PACRG: variants seen among roughly 807,000 people sequenced by gnomAD.
PACRG encodes parkin coregulated gene protein.
Under a neutral mutation model 29.7 loss-of-function variants are expected in PACRG, and 29 were observed. That is an observed-to-expected ratio of 0.98 (90% CI 0.73 to 1.33). The LOEUF is 1.33. PACRG is among the 40% of genes most tolerant of loss of function. The pLI, the probability that PACRG is intolerant of heterozygous loss-of-function variation, is 0.00. For missense variants in PACRG, 279 were observed against 316.2 expected, an observed-to-expected ratio of 0.88 and a Z score of 0.89; for synonymous variants, 116 against 118.7, an observed-to-expected ratio of 0.98 and a Z score of 0.15.
rs370711141 is a variant in PACRG, at chr6:162,822,155, T to G, written c.291+7874T>G. Among the ~76,000 whole-genome samples the G allele has an allele frequency of 8.4e-4, 128 of 152,296 alleles. No individual in the cohort carries two copies. In the East Asian group the frequency reaches 0.012, roughly 14 times the overall value. On this transcript the variant is annotated intron_variant, in intron 2 of 4. Coordinates refer to ENST00000366888, the MANE Select transcript of PACRG (RefSeq NM_001080379.2). ...CATACTGCCACAGGAATTCTAATAG[T>G]TTTTTCCAGTTTAATGACAACGAAA...
At chr6:163,170,151 G>A (rs547507805) in intron 4 of PACRG, among the ~76,000 whole-genome samples, 8 of 152,256 alleles carry the variant, frequency 5.3e-5, no homozygotes, top group Non-Finnish European at 1.0e-4. Flanking sequence ...AGTTCAGCCC[G>A]TAACCAGAAA....
intron 4 of PACRG, among the ~76,000 whole-genome samples, chr6:163,147,443 G>T (rs1777845720): frequency 6.6e-6 from 1 of 152,178 alleles, no homozygotes; most frequent in Non-Finnish European, 1.5e-5. Context: ...AATGAACTGA[G>T]ACTCAGAGGC....
At chr6:162,903,512 AG>A (rs1221661602) in intron 2 of PACRG, among the ~76,000 whole-genome samples, 3 of 151,858 alleles carry the variant, frequency 2.0e-5, no homozygotes, top group Admixed American at 6.6e-5. Flanking sequence ...ACATGGCGGC[AG>A]GCAAGAGAGA....
intron 2 of PACRG, among the ~76,000 whole-genome samples, chr6:163,052,686 T>C (rs1810143118): frequency 6.6e-6 from 1 of 152,242 alleles, no homozygotes; most frequent in African/African-American, 2.4e-5. Context: ...CTTTCATTTA[T>C]AAATTACCCA....
chr6:163,048,323 G>A (rs1469753132), intron 2 of PACRG, among the ~76,000 whole-genome samples: 3 of 152,088 alleles, frequency 2.0e-5, no homozygotes, highest in East Asian at 1.9e-4. Context: ...TCTGCTAAGC[G>A]TTTTTATTTT....
At chr6:162,978,239 T>C (rs568047373) in intron 2 of PACRG, among the ~76,000 whole-genome samples, 1 of 152,316 alleles carries the variant, frequency 6.6e-6, no homozygotes, top group South Asian at 2.1e-4. Flanking sequence ...GAAATTATAG[T>C]ATATTTCTAT....
At chr6:163,234,099 C>G (rs1782144155) in intron 4 of PACRG, among the ~76,000 whole-genome samples, 1 of 152,050 alleles carries the variant, frequency 6.6e-6, no homozygotes, top group African/African-American at 2.4e-5. Context: ...TAGAAAGTGA[C>G]ACAGAGCAGG....
Position 162,863,466 on chromosome 6 carries a change from A to AT in PACRG, c.291+49191dup, listed in dbSNP as rs1397617434. Among the ~76,000 whole-genome samples the AT allele has an allele frequency of 2.6e-5, 4 of 152,302 alleles. No individual in the cohort carries two copies. The East Asian group carries it at 7.7e-4, about 29-fold the overall frequency. ...TGAGAACATGTGGGCAAATGCATCT[A>AT]TTTTTTCTTCCCTAAAAGGTAAACT... On this transcript the variant is annotated intron_variant, in intron 2 of 4. Transcript: ENST00000366888.
intron 1 of PACRG, among the ~76,000 whole-genome samples, chr6:162,747,648 G>A (rs951197985): frequency 6.6e-6 from 1 of 150,742 alleles, no homozygotes; most frequent in Non-Finnish European, 1.5e-5. Context: ...GCTAATGCAG[G>A]GAAAGCCAGA....
intron 1 of PACRG, among the ~76,000 whole-genome samples, chr6:162,753,411 A>G (rs778465336): frequency 3.3e-5 from 5 of 152,154 alleles, no homozygotes; most frequent in Non-Finnish European, 7.4e-5. Flanking sequence ...ACATTCATCC[A>G]TGTTGTTGCA....
chr6:162,983,863 G>A (rs576484877), intron 2 of PACRG, among the ~76,000 whole-genome samples: 2 of 152,024 alleles, frequency 1.3e-5, no homozygotes, highest in Non-Finnish European at 2.9e-5. Flanking sequence ...CTGAAGTGAG[G>A]CCAAGGAAGG....
rs1810494691 is a variant in PACRG at position 163,055,475 on chromosome 6, C to T, written c.292-6675C>T. Among the ~76,000 whole-genome samples the T allele has an allele frequency of 6.6e-6, 1 of 152,036 alleles. No individual in the cohort carries two copies. Among genetic ancestry groups the T allele is most frequent in the South Asian group, 2.1e-4 (1 of 4,808 alleles). ...GGATTACCAAAGCCTAGGCCAAATT[C>T]ATCCACTGAAAACAAAATTATTATA... On this transcript the variant is annotated intron_variant, in intron 2 of 4. Transcript: ENST00000366888. This position sits in a 1 kb window ranked among gnomAD's most constrained non-coding sequence, Gnocchi z 4.0.
rs1286795478 is a variant in PACRG, at chr6:163,230,894, G to C, written c.614-83933G>C. Among the ~76,000 whole-genome samples the C allele has an allele frequency of 2.0e-5, 3 of 152,218 alleles. No homozygotes were observed. The East Asian group carries it at 5.8e-4, about 29-fold the overall frequency. The stretch of plus-strand genomic sequence containing the variant: ...AGGACAGTATTTGGAGAGAGAGGAG[G>C]AGGTAGGTAAGGTGTCCCTGCCAGT... On this transcript the variant is annotated intron_variant, in intron 4 of 4. Coordinates refer to ENST00000366888, the MANE Select transcript of PACRG (RefSeq NM_001080379.2).
intron 4 of PACRG, among the ~76,000 whole-genome samples, chr6:163,296,394 C>T (rs9458779): frequency 0.24 from 37,064 of 152,062 alleles, 5,253 homozygotes; most frequent in East Asian, 0.35. Flanking sequence ...CTCCCGAGTT[C>T]AAGCAGTTCT....
rs372651478 is a variant in PACRG at position 163,273,372 on chromosome 6, CTTG to C, written c.614-41440_614-41438del. 9.4e-3 allele frequency among the ~76,000 whole-genome samples: 1,432 copies of C among 151,830 alleles called. 10 individuals carry two copies. The highest frequency in any genetic ancestry group is 0.014 in the Non-Finnish European group (963 of 67,922). On this transcript the variant is annotated intron_variant, in intron 4 of 4. Transcript: ENST00000366888. ...TTTTTGTTTTGTTTTGTTTGTCGTTCTTGTTGTTGTTGTTGTTTCCCTAAGCTC... is the reference window on the plus strand; with the variant it reads ...TTTTTGTTTTGTTTTGTTTGTCGTTCTTGTTGTTGTTGTTTCCCTAAGCTC...
chr6:162,774,236 A>G (rs981900647), intron 1 of PACRG, among the ~76,000 whole-genome samples: 2 of 152,232 alleles, frequency 1.3e-5, no homozygotes, highest in Non-Finnish European at 1.5e-5. Context: ...CAAATGCTGT[A>G]TGCAGGAAGC....
intron 4 of PACRG, among the ~76,000 whole-genome samples, chr6:163,110,597 A>T (rs968732814): frequency 6.6e-6 from 1 of 152,164 alleles, no homozygotes; most frequent in Non-Finnish European, 1.5e-5. Context: ...CAGTGGTCAC[A>T]TTGCTGTCTT....
At chr6:163,280,152 C>T (rs1199722004) in intron 4 of PACRG, among the ~76,000 whole-genome samples, 2 of 152,202 alleles carry the variant, frequency 1.3e-5, no homozygotes, top group Admixed American at 6.5e-5. Flanking sequence ...TCCATCCTCC[C>T]AGATCTAGCA....
chr6:162,948,936 C>G (rs1440149094), intron 2 of PACRG, among the ~76,000 whole-genome samples: 1 of 151,912 alleles, frequency 6.6e-6, no homozygotes, highest in African/African-American at 2.4e-5. Context: ...GTATGGAAAA[C>G]AGTATGGAAA....
Sources: allele counts gnomAD v4.1 joint callset (sites outside exome capture counted in the v4.1 genomes callset), GRCh38; gene constraint gnomAD v4.1.1; non-coding constraint Gnocchi (gnomAD v3.1); transcripts MANE v1.5; gene names NCBI Gene and HGNC (gene_info 2026-07-23, HGNC 2026-07-21).